TRIM5: variants seen among roughly 807,000 people sequenced by gnomAD.
The protein encoded by TRIM5 is tripartite motif containing 5.
A neutral mutation model predicts 35.6 loss-of-function variants in TRIM5; 31 were observed. The ratio of observed to expected loss-of-function variants is 0.87; its 90% CI spans 0.65 to 1.18. TRIM5 has a LOEUF of 1.18. Among genes scored for constraint, TRIM5 ranks in the 50% most tolerant of loss-of-function variants. The pLI, the probability that TRIM5 is intolerant of heterozygous loss-of-function variation, is 0.00. For missense variants in TRIM5, 609 were observed against 591.6 expected, an observed-to-expected ratio of 1.03 and a Z score of -0.31; for synonymous variants, 243 against 215.6, an observed-to-expected ratio of 1.13 and a Z score of -1.11.
chr11:5,667,407 C>T (rs1026419946), intron 5 of TRIM5, among the ~76,000 whole-genome samples: 3 of 152,038 alleles, frequency 2.0e-5, no homozygotes, highest in African/African-American at 7.2e-5. Flanking sequence ...CAGGGTTTTG[C>T]CACGTTGGCC....
chr11:5,632,678 G>A, the TRIM5 span: 1 of 1,612,742 alleles, frequency 6.2e-7, no homozygotes, highest in Admixed American at 1.7e-5. Flanking sequence ...AAAGTCATTT[G>A]CTGGCTTTGT....
the TRIM5 span, among the ~76,000 whole-genome samples, chr11:5,655,380 A>G: frequency 6.6e-6 from 1 of 152,154 alleles, no homozygotes; most frequent in African/African-American, 2.4e-5. Flanking sequence ...AACATGATGA[A>G]TTTATTGTTT....
At chr11:5,672,534 A>C (rs1851655811) in intron 4 of TRIM5, among the ~76,000 whole-genome samples, 1 of 152,096 alleles carries the variant, frequency 6.6e-6, no homozygotes, top group Admixed American at 6.6e-5. Flanking sequence ...ATTTCTTCCC[A>C]AAAATAGTTT....
chr11:5,674,802 T>C lies in TRIM5; in HGVS notation c.744+3402A>G, dbSNP rs565399523. ...AGTAAGTCAGGAACAGAAAGACAAA[T>C]ACTGTATAACATCACTTAGTATGTA... On this transcript the variant is annotated intron_variant, in intron 4 of 7. Transcript: ENST00000380034. Among the ~76,000 whole-genome samples, 28 of 152,284 alleles carry C rather than the reference T, an allele frequency of 1.8e-4. No homozygotes were observed. In the East Asian group the frequency reaches 2.1e-3, roughly 12 times the overall value.
chr11:5,636,036 A>G, the TRIM5 span, among the ~76,000 whole-genome samples: 3 of 152,192 alleles, frequency 2.0e-5, no homozygotes, highest in African/African-American at 4.8e-5. Flanking sequence ...ATTCCTACCT[A>G]TATACCTAGA....
chr11:5,675,306 TC>T (rs776850533), intron 4 of TRIM5, among the ~76,000 whole-genome samples: 2 of 152,020 alleles, frequency 1.3e-5, no homozygotes, highest in Non-Finnish European at 2.9e-5. Context: ...GAGCATTAAA[TC>T]AAATGCAGGT....
At chr11:5,665,919 C>T in intron 6 of TRIM5, 62 bp downstream of exon 6, 1 of 1,497,106 alleles carries the variant, frequency 6.7e-7, no homozygotes, top group Non-Finnish European at 9.1e-7. Context: ...ACCCTCTTCC[C>T]TATTTAGCAC....
chr11:5,681,136 A>G (rs1158922276), intron 1 of TRIM5, among the ~76,000 whole-genome samples: 1 of 152,186 alleles, frequency 6.6e-6, no homozygotes. Flanking sequence ...TGGACCACAC[A>G]TGTTGGATAC....
the TRIM5 span, among the ~76,000 whole-genome samples, chr11:5,599,778 G>A: frequency 1.3e-5 from 2 of 152,140 alleles, no homozygotes; most frequent in Non-Finnish European, 2.9e-5. Context: ...CAACATCAAG[G>A]CCAACTATAA....
the TRIM5 span, among the ~76,000 whole-genome samples, chr11:5,599,669 C>G: frequency 6.6e-6 from 1 of 152,020 alleles, no homozygotes; most frequent in Non-Finnish European, 1.5e-5. Context: ...TCCCAAAGTG[C>G]TGGGATTACA....
At chr11:5,610,756 ATGT>A in the TRIM5 span, 38 of 1,611,596 alleles carry the variant, frequency 2.4e-5, no homozygotes, top group East Asian at 7.1e-4. Context: ...TCATCTGCTG[ATGT>A]TGTACCTTTT....
At chr11:5,658,690 G>T (rs920403889), downstream of TRIM5, among the ~76,000 whole-genome samples, 1 of 152,166 alleles carries the variant, frequency 6.6e-6, no homozygotes, top group Admixed American at 6.5e-5. Flanking sequence ...AGGACATGAA[G>T]TTTTGTTAGA....
intron 7 of TRIM5, 120 bp from the exon 8 acceptor site, chr11:5,665,515 A>C: frequency 6.4e-7 from 1 of 1,551,382 alleles, no homozygotes; most frequent in Non-Finnish European, 8.6e-7. Flanking sequence ...AGTTATAAGG[A>C]GGGGTAAGTT....
At chr11:5,618,792 A>G in the TRIM5 span, among the ~76,000 whole-genome samples, 63,575 of 152,022 alleles carry the variant, frequency 0.42, 13,773 homozygotes, top group East Asian at 0.76. Context: ...TTGGACTATG[A>G]GAGGAAATTC....
chr11:5,590,403 C>G, the TRIM5 span: 1 of 152,604 alleles, frequency 6.6e-6, no homozygotes, highest in East Asian at 1.9e-4. Flanking sequence ...ATACACCAAT[C>G]GGCACTCTGT....
At chr11:5,677,522 C>T (rs1852084658) in intron 4 of TRIM5, among the ~76,000 whole-genome samples, 1 of 152,188 alleles carries the variant, frequency 6.6e-6, no homozygotes, top group Admixed American at 6.5e-5. Context: ...TAAACTAGTT[C>T]AACCATTGTG....
the TRIM5 span, among the ~76,000 whole-genome samples, chr11:5,655,192 TAAAA>T: frequency 1.7e-5 from 2 of 118,066 alleles, no homozygotes. Context: ...AAACTCCGTC[TAAAA>T]AAAAAAAAAA....
the TRIM5 span, chr11:5,590,284 A>C: frequency 6.4e-6 from 1 of 156,064 alleles, no homozygotes; most frequent in African/African-American, 2.4e-5. Flanking sequence ...CAGGACTGGC[A>C]GGCAACTCCA....
At chr11:5,682,581 C>T (rs1852572867) in intron 1 of TRIM5, among the ~76,000 whole-genome samples, 1 of 152,164 alleles carries the variant, frequency 6.6e-6, no homozygotes, top group African/African-American at 2.4e-5. Flanking sequence ...CCAGCATGGT[C>T]CAGATCTTGA....
Sources: gnomAD v4.1 joint callset for allele counts (sites outside exome capture counted in the v4.1 genomes callset) on GRCh38, gnomAD v4.1.1 for gene constraint, MANE v1.5 for transcripts, NCBI Gene and HGNC (gene_info 2026-07-23, HGNC 2026-07-21) for gene names.